The following LTA4H variants were observed in gnomAD, a reference collection of about 807,000 sequenced individuals.
LTA4H encodes leukotriene A4 hydrolase, also known as leukotriene A-4 hydrolase.
Under a neutral mutation model 89.8 loss-of-function variants are expected in LTA4H, and 59 were observed. The observed-to-expected ratio is 0.66, with a 90% CI of 0.53 to 0.82. The LOEUF (loss-of-function observed/expected upper bound fraction) is 0.82. LTA4H is among the 40% of genes least tolerant of loss of function. LTA4H has a pLI of 0.00. For synonymous variants in LTA4H, 227 were observed against 253.1 expected, an observed-to-expected ratio of 0.90 and a Z score of 0.98; for missense variants, 617 against 727.0, an observed-to-expected ratio of 0.85 and a Z score of 1.74.
intron 6 of LTA4H, 74 bp from the exon 7 acceptor site, chr12:96,019,314 G>A: frequency 1.6e-6 from 2 of 1,287,576 alleles, no homozygotes; most frequent in Non-Finnish European, 1.1e-6. Flanking sequence ...AGTAGTTAAT[G>A]TCTTGTAGAC....
At chr12:96,018,720 TTTTTGAA>T (rs1176966767) in intron 8 of LTA4H, 36 bp downstream of exon 8, 1 of 1,472,506 alleles carries the variant, frequency 6.8e-7, no homozygotes, top group Non-Finnish European at 9.0e-7. Context: ...CTTAAGTTTA[TTTTTGAA>T]ACGTCAATTT....
At chr12:96,013,936 A>C in intron 12 of LTA4H, 83 bp from the exon 13 acceptor site, 3 of 648,278 alleles carry the variant, frequency 4.6e-6, no homozygotes, top group East Asian at 2.7e-5. Context: ...TTGTACTATT[A>C]ACCACAGAGA....
intron 14 of LTA4H, chr12:96,012,967 G>A: frequency 4.2e-6 from 2 of 475,562 alleles, no homozygotes; most frequent in Non-Finnish European, 7.6e-6. Context: ...CACCATCCTT[G>A]TGCAGAAAGG....
At chr12:96,006,207 T>G (rs566247177) in intron 16 of LTA4H, 107 bp downstream of exon 16, 1 of 583,108 alleles carries the variant, frequency 1.7e-6, no homozygotes, top group East Asian at 2.8e-5. Context: ...TAAATGATTT[T>G]TTCCCCATTA....
chr12:96,023,908 TTTTG>T (rs1425454245), intron 4 of LTA4H, among the ~76,000 whole-genome samples: 2 of 151,990 alleles, frequency 1.3e-5, no homozygotes, highest in Admixed American at 6.6e-5. Flanking sequence ...AATTTCTTCT[TTTTG>T]TTTGTTTGTT....
intron 15 of LTA4H, among the ~76,000 whole-genome samples, chr12:96,008,082 C>T (rs536472977): frequency 1.3e-5 from 2 of 152,274 alleles, no homozygotes; most frequent in African/African-American, 4.8e-5. Flanking sequence ...GGTTGAAAAA[C>T]TACTGGGTAC....
At chr12:96,009,996 C>G (rs1004858249) in intron 14 of LTA4H, 3 of 152,182 alleles carry the variant, frequency 2.0e-5, no homozygotes, top group Admixed American at 1.3e-4. Flanking sequence ...GCTCCCACCT[C>G]GAAGCAGCTG....
chr12:96,008,875 C>T (rs998001122), intron 15 of LTA4H, among the ~76,000 whole-genome samples: 1 of 151,902 alleles, frequency 6.6e-6, no homozygotes, highest in South Asian at 2.3e-4. Flanking sequence ...GCCATGATCA[C>T]GCCACTGTAG....
chr12:96,030,738 C>T (rs1286100321), intron 1 of LTA4H, among the ~76,000 whole-genome samples: 1 of 152,206 alleles, frequency 6.6e-6, no homozygotes, highest in African/African-American at 2.4e-5. Flanking sequence ...TCTGACCTGG[C>T]TACATGTGAG....
chr12:96,018,989 T>C, intron 7 of LTA4H, 86 bp from the exon 8 acceptor site: 2 of 1,314,722 alleles, frequency 1.5e-6, no homozygotes, highest in Non-Finnish European at 2.1e-6. Flanking sequence ...TCTATGAAGG[T>C]TACAAGTTAA....
intron 1 of LTA4H, among the ~76,000 whole-genome samples, chr12:96,042,010 G>T (rs1368444221): frequency 1.5e-5 from 2 of 135,278 alleles, no homozygotes; most frequent in African/African-American, 5.7e-5. Flanking sequence ...TTTTGACAGG[G>T]TCTTGCTTTG....
chr12:96,012,925 G>A, intron 14 of LTA4H: 1 of 380,636 alleles, frequency 2.6e-6, no homozygotes, highest in Non-Finnish European at 4.8e-6. Flanking sequence ...GAAGTTTGAA[G>A]GAAGATACAA....
chr12:96,022,190 T>C lies in LTA4H; in HGVS notation c.542A>G (p.Asp181Gly). 6.2e-7 allele frequency: 1 copy of C among 1,614,076 alleles called. No individual in the cohort carries two copies. Among genetic ancestry groups the C allele is most frequent in the Non-Finnish European group, 8.5e-7 (1 of 1,179,944 alleles). Residue 181 changes from aspartate to glycine, a missense_variant, in exon 5 of 19, where the codon GAC (aspartate) becomes GGC (glycine). Physicochemically the swap from Asp to Gly is moderately conservative, Grantham distance 94. Around this residue, in one of 3 missense-constraint regions of LTA4H, gnomAD observed 172 missense variants for 244.5 expected, o/e 0.70. Coordinates refer to ENST00000228740, the MANE Select transcript of LTA4H (RefSeq NM_000895.3). This position sits in a 1 kb window ranked among gnomAD's most constrained non-coding sequence, Gnocchi z 4.0. Reference protein sequence around the residue: ...MSAIRDGETPDPEDPSRKIYK... With the variant: ...MSAIRDGETPGPEDPSRKIYK... ...TATTTTCCTGCTTGGGTCTTCTGGG[T>C]CAGGTGTTTCTCCATCACGAATAGC...
intron 14 of LTA4H, chr12:96,009,431 T>C (rs1258432060): frequency 2.6e-6 from 1 of 385,384 alleles, no homozygotes; most frequent in Admixed American, 4.5e-5. Context: ...GAGTAGTATA[T>C]GCTAAAGTAG....
Position 96,024,468 on chromosome 12 carries a change from G to T in LTA4H, c.480+11C>A. The T allele has an allele frequency of 6.5e-7, 1 of 1,538,120 alleles. No individual in the cohort carries two copies. The highest frequency in any genetic ancestry group is 9.0e-7 in the Non-Finnish European group (1 of 1,113,158). ...CATCATTTAATTGAGTTAATAATTC[G>T]TAATATTTACCTCTGCAGTATAGGT... On this transcript the variant is annotated intron_variant, in intron 4 of 18. Coordinates refer to ENST00000228740, the MANE Select transcript of LTA4H (RefSeq NM_000895.3).
chr12:96,031,405 T>C lies in LTA4H; in HGVS notation c.160-2220A>G, dbSNP rs574313106. Among the ~76,000 whole-genome samples, 249 of 152,214 alleles carry C rather than the reference T, an allele frequency of 1.6e-3. 1 individual carries two copies. Among genetic ancestry groups the C allele is most frequent in the African/African-American group, 5.8e-3 (242 of 41,530 alleles). On this transcript the variant is annotated intron_variant, in intron 1 of 18. Transcript: ENST00000228740. Reference sequence around the variant, plus strand: ...TCATTTGCAAACTACTTTTTAAAATTCCCCTTCAAATTTCAGCGATGTTAT... The same window carrying C: ...TCATTTGCAAACTACTTTTTAAAATCCCCCTTCAAATTTCAGCGATGTTAT...
chr12:96,018,426 A>G (rs1950407819), intron 8 of LTA4H, among the ~76,000 whole-genome samples: 1 of 152,004 alleles, frequency 6.6e-6, no homozygotes, highest in Admixed American at 6.6e-5. Context: ...GTGTGCACCT[A>G]TAGTCCCAGC....
At chr12:96,009,286 A>ATTTCC in intron 14 of LTA4H, 138 bp from the exon 15 acceptor site, 1 of 623,162 alleles carries the variant, frequency 1.6e-6, no homozygotes, top group Non-Finnish European at 2.8e-6. Flanking sequence ...AAAATAGGAA[A>ATTTCC]TATTTTACCT....
intron 8 of LTA4H, 51 bp downstream of exon 8, chr12:96,018,712 T>C (rs1950413827): frequency 7.0e-7 from 1 of 1,433,178 alleles, no homozygotes; most frequent in Non-Finnish European, 9.3e-7. Context: ...CTAAGGTTCT[T>C]AAGTTTATTT....
Sources: allele counts gnomAD v4.1 joint callset (sites outside exome capture counted in the v4.1 genomes callset), GRCh38; gene constraint gnomAD v4.1.1; regional missense constraint gnomAD v4.1.1; non-coding constraint Gnocchi (gnomAD v3.1); transcripts MANE v1.5; gene names NCBI Gene and HGNC (gene_info 2026-07-23, HGNC 2026-07-21).